Variants in HNF4G observed in about 807,000 individuals in gnomAD.
HNF4G encodes hepatocyte nuclear factor 4-gamma.
Under a neutral mutation model 50.9 loss-of-function variants are expected in HNF4G, and 21 were observed. The observed-to-expected ratio is 0.41, with a 90% CI of 0.29 to 0.59. The LOEUF is 0.59. HNF4G is among the 20% of genes least tolerant of loss of function. The pLI, the probability that HNF4G is intolerant of heterozygous loss-of-function variation, is 0.26. For synonymous variants in HNF4G, 198 were observed against 185.6 expected, an observed-to-expected ratio of 1.07 and a Z score of -0.54; for missense variants, 527 against 559.4, an observed-to-expected ratio of 0.94 and a Z score of 0.58.
At chr8:75,416,127 G>A (rs930378559) in intron 1 of HNF4G, among the ~76,000 whole-genome samples, 1 of 152,120 alleles carries the variant, frequency 6.6e-6, no homozygotes, top group African/African-American at 2.4e-5. Flanking sequence ...AAAATAATGT[G>A]ATCAAGTTCT....
chr8:75,414,907 C>T (rs1370612288), intron 1 of HNF4G, among the ~76,000 whole-genome samples: 2 of 152,078 alleles, frequency 1.3e-5, no homozygotes, highest in Admixed American at 6.6e-5. Context: ...ATATGATTAC[C>T]TAGGAATAGA....
At chr8:75,439,563 TAGAA>T (rs955525427) in intron 1 of HNF4G, among the ~76,000 whole-genome samples, 3 of 152,032 alleles carry the variant, frequency 2.0e-5, no homozygotes, top group Non-Finnish European at 4.4e-5. Context: ...CATTTTTTCT[TAGAA>T]AGAAGTGTAA....
At chr8:75,435,017 A>C (rs969100359) in intron 1 of HNF4G, among the ~76,000 whole-genome samples, 7 of 152,204 alleles carry the variant, frequency 4.6e-5, no homozygotes, top group African/African-American at 1.7e-4. Context: ...GTCTTACTTT[A>C]ACTCTTTAAA....
At chr8:75,484,504 C>G (rs1244890750) in intron 1 of HNF4G, among the ~76,000 whole-genome samples, 2 of 152,244 alleles carry the variant, frequency 1.3e-5, no homozygotes, top group Non-Finnish European at 2.9e-5. Context: ...GCTACTTCTT[C>G]AGGTTCCAGC....
At chr8:75,447,012 C>T (rs1262479618) in intron 1 of HNF4G, among the ~76,000 whole-genome samples, 5 of 146,320 alleles carry the variant, frequency 3.4e-5, no homozygotes, top group Non-Finnish European at 7.4e-5. Context: ...GGAGGCATCA[C>T]ACTACCTGAC....
chr8:75,516,291 A>T (rs80190380), intron 2 of HNF4G, among the ~76,000 whole-genome samples: 1 of 151,606 alleles, frequency 6.6e-6, no homozygotes, highest in African/African-American at 2.4e-5. Context: ...TAGTTCAAAT[A>T]TTTTTTTTTA....
intron 1 of HNF4G, among the ~76,000 whole-genome samples, chr8:75,445,095 C>G (rs1471242766): frequency 2.1e-5 from 3 of 145,708 alleles, no homozygotes; most frequent in African/African-American, 7.7e-5. Context: ...GACCACAGTG[C>G]AATCAAACTA....
At chr8:75,425,357 T>C (rs1001796837) in intron 1 of HNF4G, among the ~76,000 whole-genome samples, 20 of 151,612 alleles carry the variant, frequency 1.3e-4, no homozygotes, top group South Asian at 2.1e-4. Context: ...GTGCTAAGAT[T>C]ACAGGTGTGA....
At position 75,524,461 on chromosome 8, in the gene HNF4G, T is replaced by G. The variant is rs189548209; in HGVS notation, c.-23-19350T>G. 2.2e-3 allele frequency among the ~76,000 whole-genome samples: 328 copies of G among 152,316 alleles called. 2 individuals are homozygous for G. The highest frequency in any genetic ancestry group is 7.6e-3 in the African/African-American group (317 of 41,582). On this transcript the variant is annotated intron_variant, in intron 2 of 10. Transcript: ENST00000354370. ...GTAATCTTGAGAAATGTTTCATCAT[T>G]TAGTATTGTATCATGCATAGTTTCG...
intron 2 of HNF4G, among the ~76,000 whole-genome samples, chr8:75,504,297 A>G (rs1466995097): frequency 6.6e-6 from 1 of 151,906 alleles, no homozygotes; most frequent in Non-Finnish European, 1.5e-5. Context: ...AACAAAAAAA[A>G]TCTGGATATG....
chr8:75,545,143 T>A (rs1380011176), intron 2 of HNF4G, among the ~76,000 whole-genome samples: 1 of 152,024 alleles, frequency 6.6e-6, no homozygotes, highest in African/African-American at 2.4e-5. Context: ...CATTCCCTCA[T>A]CAAAAATAGT....
intron 1 of HNF4G, among the ~76,000 whole-genome samples, chr8:75,488,404 G>T (rs1812542614): frequency 1.3e-5 from 2 of 152,020 alleles, no homozygotes; most frequent in Admixed American, 1.3e-4. Flanking sequence ...CTCCTGAGTT[G>T]CCGGGACTAC....
rs983578742 is a variant in HNF4G, at chr8:75,475,003, T to A, written c.-143-15086T>A. 1.1e-4 allele frequency among the ~76,000 whole-genome samples: 17 copies of A among 150,512 alleles called. No individual in the cohort carries two copies. In the East Asian group the frequency reaches 2.0e-3, roughly 17 times the overall value. On this transcript the variant is annotated intron_variant, in intron 1 of 10. Coordinates refer to the HNF4G transcript ENST00000354370. ...GAGCCACTGTGCCTGGCCTATTATT[T>A]ATTAATTAATTAATTTATTTTTTGA... is the stretch of plus-strand genomic sequence containing the variant.
At chr8:75,442,239 C>T (rs966231727) in intron 1 of HNF4G, among the ~76,000 whole-genome samples, 4 of 152,004 alleles carry the variant, frequency 2.6e-5, no homozygotes, top group Admixed American at 6.6e-5. Flanking sequence ...CAGGGCACAT[C>T]GAAATTACTG....
rs3779741 is a variant in HNF4G, at chr8:75,429,842, G to C, written c.-144+21680G>C. On this transcript the variant is annotated intron_variant, in intron 1 of 10. Coordinates refer to the HNF4G transcript ENST00000354370. Reference sequence around the variant, plus strand: ...GACAGTATGGTAGACTGAATGTCTAGAGAAATCCTTTCATTAGCAAAAAAC... The same window carrying C: ...GACAGTATGGTAGACTGAATGTCTACAGAAATCCTTTCATTAGCAAAAAAC... Among the ~76,000 whole-genome samples the C allele has an allele frequency of 0.01, 1,542 of 152,224 alleles. 64 individuals carry two copies. In the East Asian group the frequency reaches 0.14, roughly 14 times the overall value.
At chr8:75,422,868 T>C (rs1465147944) in intron 1 of HNF4G, among the ~76,000 whole-genome samples, 1 of 152,214 alleles carries the variant, frequency 6.6e-6, no homozygotes, top group African/African-American at 2.4e-5. Context: ...TAATATTTAT[T>C]GAGCATTTAT....
chr8:75,432,255 T>A (rs1448616880), intron 1 of HNF4G, among the ~76,000 whole-genome samples: 6 of 147,064 alleles, frequency 4.1e-5, no homozygotes, highest in African/African-American at 7.5e-5. Context: ...TTAAAAAAAA[T>A]AAAAAAGTAA....
intron 1 of HNF4G, among the ~76,000 whole-genome samples, chr8:75,450,602 G>T (rs1375005121): frequency 1.3e-5 from 2 of 152,224 alleles, no homozygotes; most frequent in Admixed American, 1.3e-4. Flanking sequence ...AACACTAGTG[G>T]TCTTTCATCT....
intron 3 of HNF4G, among the ~76,000 whole-genome samples, chr8:75,551,019 C>T (rs1585948701): frequency 6.6e-6 from 1 of 152,120 alleles, no homozygotes; most frequent in South Asian, 2.1e-4. Flanking sequence ...ATAGTGAATA[C>T]ACTCTTATCT....
Sources: gnomAD v4.1 joint callset for allele counts (sites outside exome capture counted in the v4.1 genomes callset) on GRCh38, gnomAD v4.1.1 for gene constraint, MANE v1.5 for transcripts, NCBI Gene and HGNC (gene_info 2026-07-23, HGNC 2026-07-21) for gene names.